DTNBP1: variants seen among roughly 807,000 people sequenced by gnomAD.
DTNBP1 encodes dystrobrevin binding protein 1, also known as dysbindin.
Under a neutral mutation model 42.8 loss-of-function variants are expected in DTNBP1, and 35 were observed. The ratio of observed to expected loss-of-function variants is 0.82; its 90% CI spans 0.63 to 1.09. DTNBP1 has a LOEUF of 1.09. DTNBP1 is among the 50% of genes least tolerant of loss of function. The pLI, the probability that DTNBP1 is intolerant of heterozygous loss-of-function variation, is 0.00. For missense variants in DTNBP1, 457 were observed against 424.2 expected, an observed-to-expected ratio of 1.08 and a Z score of -0.68; for synonymous variants, 171 against 162.2, an observed-to-expected ratio of 1.05 and a Z score of -0.41.
rs533507503 is a variant in DTNBP1, at chr6:15,576,897, A to G, written c.511+16162T>C. Among the ~76,000 whole-genome samples the G allele has an allele frequency of 3.3e-5, 5 of 152,306 alleles. No individual in the cohort carries two copies. In the South Asian group the frequency reaches 1.0e-3, roughly 32 times the overall value. On this transcript the variant is annotated intron_variant, in intron 7 of 9. Coordinates refer to ENST00000344537, the MANE Select transcript of DTNBP1 (RefSeq NM_032122.5). ...CTGTTACAGAACTCCATCCACACAGACGACATGTATTGGGTGCTATGCCAA... is the reference window on the plus strand; with the variant it reads ...CTGTTACAGAACTCCATCCACACAGGCGACATGTATTGGGTGCTATGCCAA...
chr6:15,607,104 G>A (rs181663785), intron 6 of DTNBP1, among the ~76,000 whole-genome samples: 177 of 150,952 alleles, frequency 1.2e-3, no homozygotes, highest in Middle Eastern at 0.01. Flanking sequence ...TCCCGGTCCT[G>A]GGTTCAAGCA....
In DTNBP1 at chr6:15,616,356, T is replaced by G. The variant is rs185834487; in HGVS notation, c.356-957A>C. Among the ~76,000 whole-genome samples, 404 of 152,306 alleles carry G rather than the reference T, an allele frequency of 2.7e-3. 2 individuals carry two copies. Among genetic ancestry groups the G allele is most frequent in the African/African-American group, 9.0e-3 (376 of 41,554 alleles). Reference sequence around the variant, plus strand: ...ATGCCAGTCACTGTGCCAGTCACTGTGATACAAAGATGAAAAAGACAGTCC... The same window carrying G: ...ATGCCAGTCACTGTGCCAGTCACTGGGATACAAAGATGAAAAAGACAGTCC... On this transcript the variant is annotated intron_variant, in intron 5 of 9. Coordinates refer to ENST00000344537, the MANE Select transcript of DTNBP1 (RefSeq NM_032122.5).
At chr6:15,650,110 A>G (rs1221808807) in intron 3 of DTNBP1, among the ~76,000 whole-genome samples, 2 of 152,210 alleles carry the variant, frequency 1.3e-5, no homozygotes, top group Non-Finnish European at 2.9e-5. Flanking sequence ...AGAACTAGAA[A>G]GGAGAAAGGA....
intron 8 of DTNBP1, among the ~76,000 whole-genome samples, chr6:15,526,069 A>G (rs1772364159): frequency 6.6e-6 from 1 of 152,244 alleles, no homozygotes; most frequent in Admixed American, 6.5e-5. Context: ...CAACAATAAT[A>G]AAAGCCAGAA....
At chr6:15,571,108 G>C (rs1484169261) in intron 7 of DTNBP1, among the ~76,000 whole-genome samples, 1 of 152,140 alleles carries the variant, frequency 6.6e-6, no homozygotes, top group East Asian at 1.9e-4. Flanking sequence ...ATGGCATATG[G>C]AATCAGCTTT....
rs765320024 is a variant in DTNBP1, at chr6:15,533,409, A to G, written c.512-14T>C. On this transcript the variant is annotated splice_polypyrimidine_tract_variant and intron_variant, in intron 7 of 9. Transcript: ENST00000344537. ...CATCTAGTTCAGCTGAGGAAACAGA[A>G]TAACTGGGGTTAGGGTTTGAAAAGG... 22 of 1,614,090 alleles carry G rather than the reference A, an allele frequency of 1.4e-5. No homozygotes were observed. Among genetic ancestry groups the G allele is most frequent in the African/African-American group, 2.7e-5 (2 of 74,926 alleles).
intron 4 of DTNBP1, among the ~76,000 whole-genome samples, chr6:15,631,587 G>A (rs1759697081): frequency 1.3e-5 from 2 of 152,152 alleles, no homozygotes; most frequent in African/African-American, 2.4e-5. Flanking sequence ...GATGGACTTC[G>A]GAACTGTCCA....
chr6:15,653,067 A>C (rs1424426063), intron 1 of DTNBP1, among the ~76,000 whole-genome samples: 1 of 152,262 alleles, frequency 6.6e-6, no homozygotes, highest in African/African-American at 2.4e-5. Flanking sequence ...TAACAAAGAT[A>C]TCTAAGCAGC....
chr6:15,546,063 C>CTT (rs34253215), intron 7 of DTNBP1: 41,698 of 303,574 alleles, frequency 0.14, 1,869 homozygotes, highest in East Asian at 0.21. Flanking sequence ...ACCTCCAGTT[C>CTT]TTTTTTTTTT....
chr6:15,551,523 C>T (rs925913594), intron 7 of DTNBP1, among the ~76,000 whole-genome samples: 1 of 152,154 alleles, frequency 6.6e-6, no homozygotes, highest in Non-Finnish European at 1.5e-5. Flanking sequence ...ATTGCCTTGA[C>T]CCTTTGCTCA....
chr6:15,541,153 T>C (rs923487623), intron 7 of DTNBP1, among the ~76,000 whole-genome samples: 23 of 152,108 alleles, frequency 1.5e-4, no homozygotes, highest in African/African-American at 5.6e-4. Context: ...AGGATGACTA[T>C]GAAAAAGCAC....
At position 15,603,432 on chromosome 6, in the gene DTNBP1, T is replaced by C. The variant is rs1184942715; in HGVS notation, c.489-10351A>G. ...TTTTTTATATTTTCCATGTCTCTAC[T>C]TCACTTTTTGAACAGAATACAGTTA... On this transcript the variant is annotated intron_variant, in intron 6 of 9. Coordinates refer to ENST00000344537, the MANE Select transcript of DTNBP1 (RefSeq NM_032122.5). Among the ~76,000 whole-genome samples, 3 of 152,216 alleles carry C rather than the reference T, an allele frequency of 2.0e-5. No individual in the cohort carries two copies. The East Asian group carries it at 5.8e-4, about 29-fold the overall frequency.
rs1772999333 is a variant in DTNBP1 at position 15,533,320 on chromosome 6, T to G, written c.587A>C (p.Gln196Pro). ...HTQQMKLKERQKFFEEAFQQD... is the reference protein window; with the variant it reads ...HTQQMKLKERPKFFEEAFQQD... Reference sequence around the variant, plus strand: ...CTGGAAGGCTTCCTCAAAAAACTTCTGCCGCTCCTTCAGCTTCATTTGCTG... The same window carrying G: ...CTGGAAGGCTTCCTCAAAAAACTTCGGCCGCTCCTTCAGCTTCATTTGCTG... The change falls in exon 8 of 10, where the codon CAG becomes CCG. Residue 196 changes from glutamine (Q) to proline (P), a missense_variant. Coordinates refer to ENST00000344537, the MANE Select transcript of DTNBP1 (RefSeq NM_032122.5). 6.2e-7 allele frequency: 1 copy of G among 1,614,250 alleles called. No homozygotes were observed. Among genetic ancestry groups the G allele is most frequent in the Non-Finnish European group, 8.5e-7 (1 of 1,180,050 alleles).
chr6:15,528,881 C>A (rs1772607432), intron 8 of DTNBP1, among the ~76,000 whole-genome samples: 1 of 152,194 alleles, frequency 6.6e-6, no homozygotes, highest in Non-Finnish European at 1.5e-5. Context: ...CTGCAGTGGG[C>A]CCAGGAATCC....
intron 7 of DTNBP1, among the ~76,000 whole-genome samples, chr6:15,540,537 G>A (rs1471351500): frequency 1.3e-5 from 2 of 152,314 alleles, no homozygotes; most frequent in East Asian, 3.9e-4. Flanking sequence ...TCGTGTTGCT[G>A]AATTATTGGC....
At position 15,546,416 on chromosome 6, in the gene DTNBP1, G is replaced by A. The variant is rs1581296884; in HGVS notation, c.512-13021C>T. On this transcript the variant is annotated intron_variant, in intron 7 of 9. Coordinates refer to ENST00000344537, the MANE Select transcript of DTNBP1 (RefSeq NM_032122.5). Reference sequence around the variant, plus strand: ...ATCTATTTTTATTTACTTCTGATTGGAGCAGGAAAGGGTGATCCCAAAGCC... The same window carrying A: ...ATCTATTTTTATTTACTTCTGATTGAAGCAGGAAAGGGTGATCCCAAAGCC... Among the ~76,000 whole-genome samples, 4 of 152,112 alleles carry A rather than the reference G, an allele frequency of 2.6e-5. No homozygotes were observed. The South Asian group carries it at 8.3e-4, about 32-fold the overall frequency.
intron 7 of DTNBP1, among the ~76,000 whole-genome samples, chr6:15,538,695 CT>C (rs1387536345): frequency 6.6e-6 from 1 of 152,180 alleles, no homozygotes; most frequent in African/African-American, 2.4e-5. Flanking sequence ...ACCTGAGTGC[CT>C]TACCTTACGT....
rs754693777 is a variant in DTNBP1, at chr6:15,523,080, G to A, written c.951C>T (p.Pro317=). The part of the protein sequence containing the change: ...TRDISEGGES[P]VVQSDEEEVQ... ...CTTCCTCCTCATCGGACTGAACAAC[G>A]GGGGACTCCCCACCCTCACTGATGT... Residue 317 remains proline (P), a synonymous_variant, in exon 10 of 10, where the codon CCC becomes CCT. Coordinates refer to ENST00000344537, the MANE Select transcript of DTNBP1 (RefSeq NM_032122.5). 2.3e-5 allele frequency: 37 copies of A among 1,614,078 alleles called. No homozygotes were observed. The highest frequency in any genetic ancestry group is 4.0e-5 in the African/African-American group (3 of 74,934).
rs1238019440 is a variant in DTNBP1, at chr6:15,603,483, CTTCTAA to C, written c.489-10408_489-10403del. On this transcript the variant is annotated intron_variant, in intron 6 of 9. Coordinates refer to ENST00000344537, the MANE Select transcript of DTNBP1 (RefSeq NM_032122.5). ...CAATAACAATTTTTACTGTCCTTGT[CTTCTAA>C]TTCTAATATCTGTGTCAGTTTTTAA... Among the ~76,000 whole-genome samples, 11 of 152,246 alleles carry C rather than the reference CTTCTAA, an allele frequency of 7.2e-5. No homozygotes were observed. In the East Asian group the frequency reaches 1.7e-3, roughly 24 times the overall value.
Sources: allele counts gnomAD v4.1 joint callset (sites outside exome capture counted in the v4.1 genomes callset), GRCh38; gene constraint gnomAD v4.1.1; transcripts MANE v1.5; gene names NCBI Gene and HGNC (gene_info 2026-07-23, HGNC 2026-07-21).